CFAP299: variants seen among roughly 807,000 people sequenced by gnomAD.
The protein encoded by CFAP299 is cilia- and flagella-associated protein 299.
CFAP299 carries 21 observed loss-of-function variants against 27.0 expected under a neutral mutation model. The observed-to-expected ratio is 0.78, with a 90% CI of 0.55 to 1.12. The LOEUF (loss-of-function observed/expected upper bound fraction) is 1.12, where lower values mean the gene tolerates loss of function less well. Ranked by LOEUF, CFAP299 falls within the 50% of genes most tolerant of loss-of-function variation. The pLI is 0.00. For synonymous variants in CFAP299, 104 were observed against 98.1 expected (o/e 1.06, Z -0.36); for missense variants, 310 against 276.6 (o/e 1.12, Z -0.86).
chr4:80,868,075 GA>G (rs1247433362), intron 3 of CFAP299, among the ~76,000 whole-genome samples: 1 of 151,602 alleles, frequency 6.6e-6, no homozygotes, highest in Non-Finnish European at 1.5e-5. Flanking sequence ...CCTCATTCTG[GA>G]AAATTCCAGA....
intron 2 of CFAP299, among the ~76,000 whole-genome samples, chr4:80,400,662 A>G (rs1726105720): frequency 6.6e-6 from 1 of 152,162 alleles, no homozygotes; most frequent in South Asian, 2.1e-4. Context: ...AGTCTCAGGT[A>G]TGTCTCTATT....
Position 80,591,104 on chromosome 4 carries a change from A to ATTTT in CFAP299, c.333+7921_333+7922insTTTT, listed in dbSNP as rs1339201630. On this transcript the variant is annotated intron_variant, in intron 3 of 5. Coordinates refer to ENST00000358105, the MANE Select transcript of CFAP299 (RefSeq NM_152770.3). ...AGAAACAGATTATAATACTTTAGGAAATTTTTTTTTTTTTTTTTTTTTTTT... is the reference window on the plus strand; with the variant it reads ...AGAAACAGATTATAATACTTTAGGAATTTTATTTTTTTTTTTTTTTTTTTTTTTT... Among the ~76,000 whole-genome samples the ATTTT allele has an allele frequency of 2.5e-3, 295 of 116,494 alleles. 22 individuals carry two copies. The highest frequency in any genetic ancestry group is 2.9e-3 in the Non-Finnish European group (169 of 58,326). The allele number at this position is 116,494 out of a possible 152,430, so 76.4% of individuals were successfully genotyped here. A position where few individuals can be genotyped will look rare whatever the true frequency, so the allele number is the denominator to read the frequency against.
intron 4 of CFAP299, among the ~76,000 whole-genome samples, chr4:80,939,728 A>T (rs756051009): frequency 1.3e-5 from 2 of 152,092 alleles, no homozygotes; most frequent in African/African-American, 2.4e-5. Context: ...ATATTTTTAA[A>T]GTTTTGTGTT....
chr4:80,473,272 AAAG>A (rs1378595227), intron 2 of CFAP299, among the ~76,000 whole-genome samples: 1 of 152,144 alleles, frequency 6.6e-6, no homozygotes. Flanking sequence ...GGATCAGGGA[AAAG>A]AAGATCCTAG....
At chr4:80,444,224 A>G (rs79998707) in intron 2 of CFAP299, among the ~76,000 whole-genome samples, 1 of 152,246 alleles carries the variant, frequency 6.6e-6, no homozygotes, top group Non-Finnish European at 1.5e-5. Flanking sequence ...TAGCCAAGAC[A>G]ATGCTAAGCA....
chr4:80,458,493 TC>T (rs1486921352), intron 2 of CFAP299, among the ~76,000 whole-genome samples: 6 of 152,210 alleles, frequency 3.9e-5, no homozygotes, highest in Non-Finnish European at 8.8e-5. Flanking sequence ...TAAAAAAATC[TC>T]ACCAAGGGAG....
intron 4 of CFAP299, among the ~76,000 whole-genome samples, chr4:80,927,385 T>C (rs943066620): frequency 2.0e-5 from 3 of 152,108 alleles, no homozygotes; most frequent in African/African-American, 7.2e-5. Flanking sequence ...CTCTTCAACA[T>C]GCTCCCTTAA....
rs141570799 is a variant in CFAP299, at chr4:80,355,252, G to T, written c.112-7502G>T. On this transcript the variant is annotated intron_variant, in intron 1 of 5. Transcript: ENST00000358105. Reference sequence around the variant, plus strand: ...TGAGATGGTATCTCATTTAGGTTTGGATTTGATTTGCCGTTCTCTAATAAT... The same window carrying T: ...TGAGATGGTATCTCATTTAGGTTTGTATTTGATTTGCCGTTCTCTAATAAT... 8.9e-3 allele frequency among the ~76,000 whole-genome samples: 1,349 copies of T among 151,542 alleles called. 22 individuals are homozygous for T. The highest frequency in any genetic ancestry group is 0.031 in the African/African-American group (1,281 of 41,304).
chr4:80,509,119 G>C (rs79855775), intron 2 of CFAP299, among the ~76,000 whole-genome samples: 33 of 152,210 alleles, frequency 2.2e-4, no homozygotes, highest in African/African-American at 7.9e-4. Flanking sequence ...TAAACCACAG[G>C]ATATAGTGTG....
intron 2 of CFAP299, among the ~76,000 whole-genome samples, chr4:80,490,641 T>A (rs1369184089): frequency 1.3e-5 from 2 of 152,250 alleles, no homozygotes; most frequent in African/African-American, 4.8e-5. Context: ...AGAAATAGTA[T>A]AACTTACATT....
intron 3 of CFAP299, among the ~76,000 whole-genome samples, chr4:80,755,757 A>G (rs1725202181): frequency 6.6e-6 from 1 of 152,126 alleles, no homozygotes; most frequent in Non-Finnish European, 1.5e-5. Flanking sequence ...AATTCATTTT[A>G]CTAGCAAGTA....
intron 3 of CFAP299, among the ~76,000 whole-genome samples, chr4:80,771,208 A>G (rs1342228922): frequency 6.6e-6 from 1 of 151,646 alleles, no homozygotes; most frequent in Non-Finnish European, 1.5e-5. Flanking sequence ...ACTACTCTAT[A>G]CCCCCACTTC....
At chr4:80,387,498 G>A in intron 2 of CFAP299, 1 of 817,832 alleles carries the variant, frequency 1.2e-6, no homozygotes, top group Non-Finnish European at 2.1e-6. Context: ...CTGTGGGCCA[G>A]GCCTGGAGCT....
intron 5 of CFAP299, among the ~76,000 whole-genome samples, chr4:80,952,190 C>G (rs1370081618): frequency 1.3e-5 from 2 of 152,092 alleles, no homozygotes; most frequent in Non-Finnish European, 2.9e-5. Flanking sequence ...CCAGGGCTAG[C>G]TCCATGCCTG....
chr4:80,671,332 G>T (rs965319745), intron 3 of CFAP299, among the ~76,000 whole-genome samples: 3 of 152,092 alleles, frequency 2.0e-5, no homozygotes, highest in African/African-American at 7.2e-5. Context: ...GGCCTCTGTT[G>T]TGTTCCATTG....
At chr4:80,834,937 ATT>A (rs1399234530) in intron 3 of CFAP299, among the ~76,000 whole-genome samples, 1 of 152,092 alleles carries the variant, frequency 6.6e-6, no homozygotes, top group Non-Finnish European at 1.5e-5. Flanking sequence ...AACTGAAAAT[ATT>A]TGTTCCTTTC....
intron 3 of CFAP299, among the ~76,000 whole-genome samples, chr4:80,860,730 A>G (rs6829290): frequency 0.99 from 150,966 of 152,240 alleles, 74,863 homozygotes; most frequent in Middle Eastern, 1. Flanking sequence ...GTGGTTTTTC[A>G]TGAACCGCGA....
chr4:80,948,527 A>T (rs1737590967), intron 5 of CFAP299, among the ~76,000 whole-genome samples: 1 of 152,044 alleles, frequency 6.6e-6, no homozygotes, highest in Non-Finnish European at 1.5e-5. Context: ...ATTTGGACAA[A>T]TTTTTTAAAT....
chr4:80,492,139 G>A (rs905843447), intron 2 of CFAP299, among the ~76,000 whole-genome samples: 4 of 152,206 alleles, frequency 2.6e-5, no homozygotes, highest in Non-Finnish European at 5.9e-5. Context: ...GAAGCCTCCC[G>A]ACTTTGAGTT....
Sources: allele counts gnomAD v4.1 joint callset (sites outside exome capture counted in the v4.1 genomes callset), GRCh38; gene constraint gnomAD v4.1.1; transcripts MANE v1.5; gene names NCBI Gene and HGNC (gene_info 2026-07-23, HGNC 2026-07-21).